The following KIF20B variants were observed in gnomAD, a reference collection of about 807,000 sequenced individuals.
KIF20B encodes kinesin family member 20B, also known as kinesin-like protein KIF20B.
Under a neutral mutation model 232.5 loss-of-function variants are expected in KIF20B, and 188 were observed. The observed-to-expected ratio is 0.81, with a 90% CI of 0.72 to 0.91. The LOEUF (loss-of-function observed/expected upper bound fraction) is 0.91, where lower values mean the gene tolerates loss of function less well. Among genes scored for constraint, KIF20B ranks in the 40% least tolerant of loss-of-function variants. The pLI, the probability that KIF20B is intolerant of heterozygous loss-of-function variation, is 0.00. For synonymous variants in KIF20B, 712 were observed against 683.0 expected, an observed-to-expected ratio of 1.04 and a Z score of -0.66; for missense variants, 2,154 against 2,055.9, an observed-to-expected ratio of 1.05 and a Z score of -0.92.
At chr10:89,762,956 C>T in intron 29 of KIF20B, 121 bp downstream of exon 29, 5 of 686,248 alleles carry the variant, frequency 7.3e-6, no homozygotes, top group Non-Finnish European at 1.2e-5. Flanking sequence ...AGACCAAAAT[C>T]ACAATTTATG....
chr10:89,709,900 A>G, intron 4 of KIF20B, 27 bp from the exon 5 acceptor site: 1 of 1,552,398 alleles, frequency 6.4e-7, no homozygotes. Context: ...ATTTTCTAAA[A>G]AGAGTTTTTA....
intron 19 of KIF20B, among the ~76,000 whole-genome samples, chr10:89,733,872 C>CAA (rs1392507870): frequency 7.2e-5 from 11 of 152,122 alleles, no homozygotes; most frequent in African/African-American, 2.7e-4. Flanking sequence ...TGCACAATTA[C>CAA]AGCTTCCCAA....
At chr10:89,719,175 T>G (rs529518021) in intron 12 of KIF20B, among the ~76,000 whole-genome samples, 1 of 152,332 alleles carries the variant, frequency 6.6e-6, no homozygotes, top group South Asian at 2.1e-4. Context: ...GAAAACCCTC[T>G]GCTAAGATTA....
chr10:89,757,040 G>GTGTATATATATGTATATA (rs1301847520), intron 26 of KIF20B, among the ~76,000 whole-genome samples: 4 of 110,748 alleles, frequency 3.6e-5, no homozygotes, highest in Non-Finnish European at 7.4e-5. Context: ...GTGTGTGTGT[G>GTGTATATATATGTATATA]TATATATATA....
intron 29 of KIF20B, 57 bp from the exon 30 acceptor site, chr10:89,768,233 C>G (rs1842402179): frequency 8.8e-7 from 1 of 1,136,438 alleles, no homozygotes; most frequent in Non-Finnish European, 1.3e-6. Flanking sequence ...TTTTTTGAGT[C>G]TAGAGAAATA....
chr10:89,711,632 A>G (rs1314788142), intron 6 of KIF20B, among the ~76,000 whole-genome samples: 1 of 152,006 alleles, frequency 6.6e-6, no homozygotes, highest in Non-Finnish European at 1.5e-5. Context: ...ATGGTCATAT[A>G]TATGATGTGT....
chr10:89,714,235 C>G, intron 7 of KIF20B, 152 bp downstream of exon 7: 2 of 324,644 alleles, frequency 6.2e-6, no homozygotes, highest in Non-Finnish European at 1.1e-5. Context: ...AATCCCAGCA[C>G]TTTGGGAGGC....
At chr10:89,756,784 G>T (rs969054752) in intron 26 of KIF20B, among the ~76,000 whole-genome samples, 4 of 151,796 alleles carry the variant, frequency 2.6e-5, no homozygotes, top group Non-Finnish European at 5.9e-5. Context: ...ACATTTGATT[G>T]TACCTGACTT....
At chr10:89,724,301 C>T (rs1029391120) in intron 14 of KIF20B, among the ~76,000 whole-genome samples, 198 bp downstream of exon 14, 11 of 151,834 alleles carry the variant, frequency 7.2e-5, no homozygotes, top group East Asian at 1.9e-4. Context: ...CCTAGGCAGG[C>T]GGATCACTGA....
intron 26 of KIF20B, among the ~76,000 whole-genome samples, chr10:89,757,030 G>A (rs751785457): frequency 1.1e-5 from 1 of 92,356 alleles, no homozygotes; most frequent in Non-Finnish European, 2.2e-5. Context: ...TGTTGTGTGT[G>A]TGTGTGTGTG....
intron 29 of KIF20B, 30 bp downstream of exon 29, chr10:89,762,865 T>C: frequency 1.4e-6 from 2 of 1,452,328 alleles, no homozygotes; most frequent in Non-Finnish European, 1.9e-6. Flanking sequence ...GTAAATTTAA[T>C]GAACAAATCT....
chr10:89,757,040 G>GTATGTGTATATATATATATATATATATA (rs1554852904), intron 26 of KIF20B, among the ~76,000 whole-genome samples: 1 of 110,748 alleles, frequency 9.0e-6, no homozygotes, highest in Non-Finnish European at 1.8e-5. Flanking sequence ...GTGTGTGTGT[G>GTATGTGTATATATATATATATATATATA]TATATATATA....
chr10:89,758,979 C>T, intron 27 of KIF20B, 97 bp downstream of exon 27: 2 of 663,358 alleles, frequency 3.0e-6, no homozygotes, highest in Non-Finnish European at 4.5e-6. Context: ...CTCAATAGAC[C>T]AAAAAGGAAT....
chr10:89,716,412 A>G (rs1305216865), intron 8 of KIF20B, 24 bp from the exon 9 acceptor site: 2 of 970,968 alleles, frequency 2.1e-6, no homozygotes, highest in Admixed American at 4.6e-5. Flanking sequence ...ATAAATTAAT[A>G]TATATCCTCT....
chr10:89,715,298 T>A lies in KIF20B; in HGVS notation c.940+116T>A. ...AAATTGTAATGCTAATTATTAACAT[T>A]AAGAGAAGAAGATAATTTTGTGCTT... On this transcript the variant is annotated intron_variant, in intron 8 of 32. Coordinates refer to ENST00000371728, the MANE Select transcript of KIF20B (RefSeq NM_001284259.2). 3 of 671,744 alleles carry A rather than the reference T, an allele frequency of 4.5e-6. No individual in the cohort carries two copies. In the South Asian group the frequency reaches 5.5e-5, roughly 12 times the overall value. 41.6% of individuals were successfully genotyped at this position (671,744 alleles called of 1,614,324 possible).
At chr10:89,717,068 A>T (rs1842950785) in intron 9 of KIF20B, among the ~76,000 whole-genome samples, 1 of 152,208 alleles carries the variant, frequency 6.6e-6, no homozygotes, top group Non-Finnish European at 1.5e-5. Context: ...GGTCAAATGT[A>T]TGCTTTGCTT....
At chr10:89,737,239 C>CT (rs1390880827) in intron 19 of KIF20B, 148 bp from the exon 20 acceptor site, 11 of 897,410 alleles carry the variant, frequency 1.2e-5, no homozygotes, top group African/African-American at 1.8e-5. Context: ...CCTGTTTTTT[C>CT]TTTTTTTCTC....
intron 11 of KIF20B, among the ~76,000 whole-genome samples, chr10:89,718,009 A>G (rs539317726): frequency 1.3e-5 from 2 of 152,314 alleles, no homozygotes; most frequent in African/African-American, 4.8e-5. Context: ...ATCTAAAACC[A>G]CTTTATTCTT....
chr10:89,744,040 T>A, intron 22 of KIF20B, 113 bp downstream of exon 22: 1 of 796,618 alleles, frequency 1.3e-6, no homozygotes, highest in Non-Finnish European at 1.9e-6. Context: ...TTTTCTAGAA[T>A]CTAGAAATAA....
Sources: gnomAD v4.1 joint callset for allele counts (sites outside exome capture counted in the v4.1 genomes callset) on GRCh38, gnomAD v4.1.1 for gene constraint, MANE v1.5 for transcripts, NCBI Gene and HGNC (gene_info 2026-07-23, HGNC 2026-07-21) for gene names.